ARHGAP15: variants seen among roughly 807,000 people sequenced by gnomAD.
ARHGAP15 encodes the protein rho GTPase-activating protein 15.
In ARHGAP15, 51 loss-of-function variants were observed where a neutral mutation model predicts 63.7. The observed-to-expected ratio is 0.80, with a 90% CI of 0.64 to 1.01. The LOEUF (loss-of-function observed/expected upper bound fraction) is 1.01, where lower values mean the gene tolerates loss of function less well. Ranked by LOEUF, ARHGAP15 falls within the 50% of genes least tolerant of loss-of-function variation. The pLI is 0.00. For missense variants in ARHGAP15, 560 were observed against 564.6 expected (o/e 0.99, Z 0.08); for synonymous variants, 191 against 193.8 (o/e 0.99, Z 0.12).
At chr2:143,559,601 T>C (rs1695942327) in intron 11 of ARHGAP15, among the ~76,000 whole-genome samples, 1 of 152,224 alleles carries the variant, frequency 6.6e-6, no homozygotes, top group South Asian at 2.1e-4. Flanking sequence ...GCTAATCAGA[T>C]TATCCTTTGA....
chr2:143,172,683 TC>T (rs1690837246), intron 2 of ARHGAP15, among the ~76,000 whole-genome samples: 1 of 152,052 alleles, frequency 6.6e-6, no homozygotes, highest in Non-Finnish European at 1.5e-5. Context: ...ATAGTGCCAA[TC>T]ACTGAGACAG....
chr2:143,510,018 T>TACAAAAAA (rs1693508685), intron 9 of ARHGAP15, among the ~76,000 whole-genome samples: 1 of 48,808 alleles, frequency 2.0e-5, no homozygotes. Context: ...GACTCCCTCT[T>TACAAAAAA]AAAAAAAAAA....
chr2:143,682,004 T>C (rs1380039941), intron 12 of ARHGAP15, among the ~76,000 whole-genome samples: 1 of 152,164 alleles, frequency 6.6e-6, no homozygotes, highest in Non-Finnish European at 1.5e-5. Context: ...TTTTAACCCA[T>C]GTGATAGGTA....
At chr2:143,317,628 C>A (rs1395142475) in intron 6 of ARHGAP15, among the ~76,000 whole-genome samples, 1 of 152,152 alleles carries the variant, frequency 6.6e-6, no homozygotes, top group Non-Finnish European at 1.5e-5. Flanking sequence ...AGAAAGACAT[C>A]TAGTGACTAG....
intron 12 of ARHGAP15, among the ~76,000 whole-genome samples, chr2:143,675,793 G>A (rs1682795881): frequency 6.6e-6 from 1 of 152,110 alleles, no homozygotes; most frequent in African/African-American, 2.4e-5. Flanking sequence ...TAGGATTTTT[G>A]GAATGGTAAA....
At chr2:143,223,434 A>T (rs1693078086) in intron 4 of ARHGAP15, among the ~76,000 whole-genome samples, 1 of 152,056 alleles carries the variant, frequency 6.6e-6, no homozygotes, top group Non-Finnish European at 1.5e-5. Context: ...TATTTCCTGA[A>T]CTGTGTGTCT....
At chr2:143,343,285 T>C (rs1335892126) in intron 6 of ARHGAP15, among the ~76,000 whole-genome samples, 1 of 151,970 alleles carries the variant, frequency 6.6e-6, no homozygotes, top group African/African-American at 2.4e-5. Flanking sequence ...GAAGAGCATC[T>C]ACAGAGCATG....
At chr2:143,673,758 G>GTGTGTGTGTGTGTGTGTATA (rs1553520615) in intron 12 of ARHGAP15, among the ~76,000 whole-genome samples, 1 of 22,116 alleles carries the variant, frequency 4.5e-5, no homozygotes, top group African/African-American at 8.1e-5. Flanking sequence ...GTGTGTGTGT[G>GTGTGTGTGTGTGTGTGTATA]TATATATATA....
rs191480252 is a variant in ARHGAP15, at chr2:143,731,930, C to T, written c.1244+28406C>T. Among the ~76,000 whole-genome samples the T allele has an allele frequency of 3.5e-3, 533 of 152,296 alleles. 5 individuals carry two copies. The highest frequency in any genetic ancestry group is 1.3e-3 in the Admixed American group (20 of 15,302). ...GGTGTTATTTTCCTAGATCAACCAA[C>T]TAAAAGTGATGGGGTCAGTATTTAA... On this transcript the variant is annotated intron_variant, in intron 13 of 13. Coordinates refer to ENST00000295095, the MANE Select transcript of ARHGAP15 (RefSeq NM_018460.4).
At chr2:143,165,172 G>A (rs1480029202) in intron 2 of ARHGAP15, among the ~76,000 whole-genome samples, 1 of 152,038 alleles carries the variant, frequency 6.6e-6, no homozygotes, top group South Asian at 2.1e-4. Context: ...AGAAATGGTA[G>A]TTTTGTTTTG....
intron 10 of ARHGAP15, among the ~76,000 whole-genome samples, chr2:143,520,992 A>T (rs555245535): frequency 6.6e-6 from 1 of 152,308 alleles, no homozygotes; most frequent in East Asian, 1.9e-4. Context: ...ATAAATAGAA[A>T]CCATGTCTTT....
chr2:143,312,191 A>C lies in ARHGAP15; in HGVS notation c.474+61591A>C, dbSNP rs537055658. ...GGATTACAGTATTTGGATAGGAAAA[A>C]AGATTTATCTTTCTATAATGGCATC... On this transcript the variant is annotated intron_variant, in intron 6 of 13. Coordinates refer to ENST00000295095, the MANE Select transcript of ARHGAP15 (RefSeq NM_018460.4). Among the ~76,000 whole-genome samples, 17 of 152,178 alleles carry C rather than the reference A, an allele frequency of 1.1e-4. No homozygotes were observed. The South Asian group carries it at 2.7e-3, about 24-fold the overall frequency.
intron 11 of ARHGAP15, among the ~76,000 whole-genome samples, chr2:143,606,035 C>CAAAG (rs1697999566): frequency 3.1e-4 from 7 of 22,862 alleles, no homozygotes; most frequent in Non-Finnish European, 3.5e-4. Flanking sequence ...GACTCTGTCT[C>CAAAG]AAAAAAAAAA....
At chr2:143,420,076 T>C (rs1307617877) in intron 6 of ARHGAP15, among the ~76,000 whole-genome samples, 3 of 152,268 alleles carry the variant, frequency 2.0e-5, no homozygotes, top group East Asian at 1.9e-4. Flanking sequence ...ACTGCCGATA[T>C]AAGTTTTAAG....
intron 10 of ARHGAP15, among the ~76,000 whole-genome samples, chr2:143,542,039 C>G (rs1358985760): frequency 3.3e-5 from 5 of 152,352 alleles, no homozygotes; most frequent in Admixed American, 3.3e-4. Flanking sequence ...TTCGAGGTTC[C>G]TGGCTGCTTT....
chr2:143,658,021 AACT>A (rs1681547316), intron 12 of ARHGAP15, among the ~76,000 whole-genome samples: 1 of 152,212 alleles, frequency 6.6e-6, no homozygotes, highest in Non-Finnish European at 1.5e-5. Flanking sequence ...TTCCTTCAGT[AACT>A]ACTTTTCTTT....
intron 12 of ARHGAP15, among the ~76,000 whole-genome samples, chr2:143,666,640 A>G (rs1682205885): frequency 9.0e-6 from 1 of 111,676 alleles, no homozygotes; most frequent in African/African-American, 3.1e-5. Context: ...GCAACCTACA[A>G]CATGGGAGAA....
intron 6 of ARHGAP15, among the ~76,000 whole-genome samples, chr2:143,384,684 A>G (rs1687197429): frequency 6.6e-6 from 1 of 152,152 alleles, no homozygotes; most frequent in African/African-American, 2.4e-5. Flanking sequence ...GGCGTCATTC[A>G]GGAATCACCC....
intron 8 of ARHGAP15, among the ~76,000 whole-genome samples, chr2:143,484,710 G>A (rs1692243407): frequency 6.6e-6 from 1 of 152,002 alleles, no homozygotes; most frequent in African/African-American, 2.4e-5. Flanking sequence ...AAAATCTTCT[G>A]GTAGCCACAT....
Sources: allele counts gnomAD v4.1 joint callset (sites outside exome capture counted in the v4.1 genomes callset), GRCh38; gene constraint gnomAD v4.1.1; transcripts MANE v1.5; gene names NCBI Gene and HGNC (gene_info 2026-07-23, HGNC 2026-07-21).